Variants in CSMD3 observed in about 807,000 individuals in gnomAD.
CSMD3 encodes the protein CUB and sushi domain-containing protein 3.
CSMD3 carries 177 observed loss-of-function variants against 435.2 expected under a neutral mutation model. The observed-to-expected ratio is 0.41, with a 90% CI of 0.36 to 0.46. The LOEUF is 0.46. CSMD3 is among the 20% of genes least tolerant of loss of function. The pLI is 0.34. For missense variants in CSMD3, 4,265 were observed against 4,504.6 expected, an observed-to-expected ratio of 0.95 and a Z score of 1.52; for synonymous variants, 1,656 against 1,520.5, an observed-to-expected ratio of 1.09 and a Z score of -2.07.
intron 9 of CSMD3, among the ~76,000 whole-genome samples, chr8:112,939,016 T>C (rs2083370755): frequency 6.6e-6 from 1 of 152,128 alleles, no homozygotes. Context: ...GATATATGTA[T>C]GTACGTGATA....
At chr8:112,499,747 C>T (rs1821747994) in intron 30 of CSMD3, among the ~76,000 whole-genome samples, 1 of 152,076 alleles carries the variant, frequency 6.6e-6, no homozygotes, top group Non-Finnish European at 1.5e-5. Context: ...TAAATCTGTA[C>T]ATATCAAAAT....
intron 1 of CSMD3, among the ~76,000 whole-genome samples, chr8:113,408,430 G>T (rs1798177546): frequency 6.6e-6 from 1 of 152,070 alleles, no homozygotes; most frequent in African/African-American, 2.4e-5. Flanking sequence ...ATCCAACAGG[G>T]TTAATGAAAG....
chr8:113,031,891 G>T (rs1389922484), intron 5 of CSMD3, among the ~76,000 whole-genome samples: 1 of 151,470 alleles, frequency 6.6e-6, no homozygotes, highest in African/African-American at 2.4e-5. Flanking sequence ...GGCAGTTTCT[G>T]CCTGCTGCTC....
chr8:112,336,422 C>G (rs947033019), intron 44 of CSMD3, among the ~76,000 whole-genome samples: 2 of 151,968 alleles, frequency 1.3e-5, no homozygotes, highest in Non-Finnish European at 2.9e-5. Context: ...TTGTTTTCAC[C>G]TATGAAGTCT....
chr8:113,046,625 G>A (rs2087846878), intron 5 of CSMD3, among the ~76,000 whole-genome samples: 1 of 152,232 alleles, frequency 6.6e-6, no homozygotes, highest in African/African-American at 2.4e-5. Context: ...TCAGACATGA[G>A]ATTGGCTTAT....
intron 1 of CSMD3, among the ~76,000 whole-genome samples, chr8:113,431,003 C>T (rs2094669076): frequency 6.6e-6 from 1 of 152,084 alleles, no homozygotes; most frequent in African/African-American, 2.4e-5. Context: ...GCTGTGAATA[C>T]CAGCAGGTCT....
intron 70 of CSMD3, among the ~76,000 whole-genome samples, chr8:112,228,464 G>C (rs1460347999): frequency 6.6e-6 from 1 of 152,112 alleles, no homozygotes. Context: ...TCTCATTATA[G>C]ATAATGTAGA....
At chr8:113,085,619 C>T (rs1008944372) in intron 5 of CSMD3, among the ~76,000 whole-genome samples, 1 of 152,068 alleles carries the variant, frequency 6.6e-6, no homozygotes, top group African/African-American at 2.4e-5. Flanking sequence ...GAAATCCTGT[C>T]ATTAATGGCA....
intron 3 of CSMD3, among the ~76,000 whole-genome samples, chr8:113,223,275 T>C (rs1209049086): frequency 6.6e-6 from 1 of 150,700 alleles, no homozygotes; most frequent in Non-Finnish European, 1.5e-5. Flanking sequence ...TGAAATTTAC[T>C]ATAAATTAAT....
At chr8:112,986,840 C>A (rs2085272533) in intron 6 of CSMD3, among the ~76,000 whole-genome samples, 1 of 151,848 alleles carries the variant, frequency 6.6e-6, no homozygotes, top group South Asian at 2.1e-4. Context: ...ACCTGTTAGT[C>A]TTTTTTTATT....
At chr8:113,283,972 C>A (rs2093629115) in intron 2 of CSMD3, among the ~76,000 whole-genome samples, 1 of 152,016 alleles carries the variant, frequency 6.6e-6, no homozygotes, top group Non-Finnish European at 1.5e-5. Flanking sequence ...TTATTCTAAG[C>A]AAAGTAAGTC....
At chr8:112,935,201 C>T (rs546484560) in intron 9 of CSMD3, among the ~76,000 whole-genome samples, 9 of 152,114 alleles carry the variant, frequency 5.9e-5, no homozygotes, top group African/African-American at 1.9e-4. Flanking sequence ...GAAAATCAAT[C>T]GGCTTTAAAT....
At chr8:112,732,448 T>C (rs142328464) in intron 13 of CSMD3, among the ~76,000 whole-genome samples, 52 of 152,014 alleles carry the variant, frequency 3.4e-4, no homozygotes, top group Non-Finnish European at 7.2e-4. Flanking sequence ...ATAGATATCG[T>C]GGCTGGGTGT....
chr8:112,911,186 A>T (rs1320670108), intron 10 of CSMD3, among the ~76,000 whole-genome samples: 5 of 151,932 alleles, frequency 3.3e-5, no homozygotes, highest in Non-Finnish European at 7.4e-5. Flanking sequence ...CAAACTGGAT[A>T]CAATTCTTAG....
chr8:112,908,336 T>A (rs2082318738), intron 10 of CSMD3, among the ~76,000 whole-genome samples: 1 of 151,538 alleles, frequency 6.6e-6, no homozygotes, highest in Non-Finnish European at 1.5e-5. Flanking sequence ...TTCAGTTTCC[T>A]TAAATGTCTT....
chr8:112,789,934 A>G (rs2078645257), intron 13 of CSMD3, among the ~76,000 whole-genome samples: 1 of 151,984 alleles, frequency 6.6e-6, no homozygotes, highest in Non-Finnish European at 1.5e-5. Flanking sequence ...GTCCTGACAG[A>G]TATTTATTAT....
chr8:113,408,960 T>G (rs1199788535), intron 1 of CSMD3, among the ~76,000 whole-genome samples: 1 of 152,070 alleles, frequency 6.6e-6, no homozygotes. Context: ...TGATGGCTAA[T>G]GCCCAGCCTA....
At chr8:112,781,774 G>A (rs761481220) in intron 13 of CSMD3, among the ~76,000 whole-genome samples, 8 of 152,154 alleles carry the variant, frequency 5.3e-5, no homozygotes, top group Non-Finnish European at 8.8e-5. Context: ...AAGAGAACAA[G>A]TGACTCTGCC....
intron 1 of CSMD3, among the ~76,000 whole-genome samples, chr8:113,425,623 T>C (rs1175172433): frequency 1.3e-5 from 2 of 151,634 alleles, no homozygotes; most frequent in East Asian, 1.9e-4. Context: ...TTAAAGGTTT[T>C]CTAGCACTTT....
Sources: allele counts gnomAD v4.1 joint callset (sites outside exome capture counted in the v4.1 genomes callset), GRCh38; gene constraint gnomAD v4.1.1; transcripts MANE v1.5; gene names NCBI Gene and HGNC (gene_info 2026-07-23, HGNC 2026-07-21).